The following RORA variants were observed in gnomAD, a reference collection of about 807,000 sequenced individuals.
RORA encodes the protein nuclear receptor ROR-alpha.
RORA carries 7 observed loss-of-function variants against 69.5 expected under a neutral mutation model. The observed-to-expected ratio is 0.10, with a 90% CI of 0.06 to 0.19. RORA has a LOEUF of 0.19. Ranked by LOEUF, RORA falls within the 10% of genes least tolerant of loss-of-function variation. RORA has a pLI of 1.00. For synonymous variants in RORA, 261 were observed against 240.8 expected (o/e 1.08, Z -0.78); for missense variants, 457 against 663.0 (o/e 0.69, Z 3.41).
At chr15:60,735,750 C>T (rs987334742) in intron 1 of RORA, among the ~76,000 whole-genome samples, 1 of 152,068 alleles carries the variant, frequency 6.6e-6, no homozygotes, top group Non-Finnish European at 1.5e-5. Context: ...GGCAGTTTGG[C>T]AGGAAACACA....
intron 1 of RORA, among the ~76,000 whole-genome samples, chr15:61,062,252 G>GCC (rs1357044631): frequency 6.6e-6 from 1 of 152,224 alleles, no homozygotes; most frequent in Non-Finnish European, 1.5e-5. Context: ...GAACTGGGGA[G>GCC]ACGGCTCTGG....
chr15:61,099,647 T>C (rs533059811), intron 1 of RORA, among the ~76,000 whole-genome samples: 1 of 152,244 alleles, frequency 6.6e-6, no homozygotes, highest in Non-Finnish European at 1.5e-5. Context: ...CAAGCTCTTT[T>C]CATCACAATT....
chr15:60,495,993 G>A lies in RORA; in HGVS notation c.*1462C>T, dbSNP rs548531738. On this transcript the variant is annotated 3_prime_UTR_variant, in exon 11 of 11. Transcript: ENST00000335670. ...TTTCCTAGTGAAGATAAATACAAGAGTAAATGTTTGCAGCTAGCATCAACT... is the reference window on the plus strand; with the variant it reads ...TTTCCTAGTGAAGATAAATACAAGAATAAATGTTTGCAGCTAGCATCAACT... 1 of 152,058 alleles carries A rather than the reference G, an allele frequency of 6.6e-6. No individual in the cohort carries two copies. The highest frequency in any genetic ancestry group is 1.5e-5 in the Non-Finnish European group (1 of 68,018). 9.4% of individuals were successfully genotyped at this position (152,058 alleles called of 1,614,324 possible).
In RORA at chr15:60,918,899, C is replaced by T. The variant is rs79359167; in HGVS notation, c.167-240213G>A. Reference sequence around the variant, plus strand: ...ACTTGTTAGGCAGAGAGTAAGGAAGCTCAGAAAGCCCGTGCTTGAGCTAAG... The same window carrying T: ...ACTTGTTAGGCAGAGAGTAAGGAAGTTCAGAAAGCCCGTGCTTGAGCTAAG... On this transcript the variant is annotated intron_variant, in intron 1 of 10. Transcript: ENST00000335670. Among the ~76,000 whole-genome samples the T allele has an allele frequency of 7.9e-5, 12 of 152,210 alleles. No individual in the cohort carries two copies. In the East Asian group the frequency reaches 2.3e-3, roughly 29 times the overall value.
At chr15:61,065,975 T>C (rs1158259416) in intron 1 of RORA, among the ~76,000 whole-genome samples, 1 of 152,228 alleles carries the variant, frequency 6.6e-6, no homozygotes, top group Non-Finnish European at 1.5e-5. Flanking sequence ...AATATCTCAG[T>C]GGAAAGCCAA....
chr15:60,901,828 G>C (rs1298606217), intron 1 of RORA, among the ~76,000 whole-genome samples: 1 of 152,100 alleles, frequency 6.6e-6, no homozygotes, highest in African/African-American at 2.4e-5. Context: ...GCTTCTCAAA[G>C]GTATGACATC....
rs145578117 is a variant in RORA, at chr15:60,970,485, G to A, written c.166+258568C>T. Among the ~76,000 whole-genome samples the A allele has an allele frequency of 3.5e-3, 538 of 152,264 alleles. 7 individuals are homozygous for A. Among genetic ancestry groups the A allele is most frequent in the African/African-American group, 0.012 (506 of 41,542 alleles). On this transcript the variant is annotated intron_variant, in intron 1 of 10. Coordinates refer to ENST00000335670, the MANE Select transcript of RORA (RefSeq NM_134261.3). The stretch of plus-strand genomic sequence containing the variant: ...GGGATATAGAATGCAACAAGACCTC[G>A]TTTCAAGTCCAAAGCCTAGAGTGAA...
At chr15:60,714,584 C>T (rs8028250) in intron 1 of RORA, among the ~76,000 whole-genome samples, 29 of 151,932 alleles carry the variant, frequency 1.9e-4, no homozygotes, top group African/African-American at 6.3e-4. Context: ...AGGCTGGTCT[C>T]GAACTCCTGA....
intron 1 of RORA, among the ~76,000 whole-genome samples, chr15:61,109,482 T>C (rs1454215293): frequency 6.6e-6 from 1 of 152,216 alleles, no homozygotes; most frequent in Non-Finnish European, 1.5e-5. Context: ...TCACTGCCTC[T>C]GTTATCACAT....
intron 2 of RORA, among the ~76,000 whole-genome samples, chr15:60,544,629 T>G (rs1040884029): frequency 6.6e-6 from 1 of 152,186 alleles, no homozygotes. Context: ...AAGTTTTTTT[T>G]CCCTTCAAAG....
chr15:60,665,348 T>C (rs549620006), intron 2 of RORA, among the ~76,000 whole-genome samples: 27 of 152,340 alleles, frequency 1.8e-4, no homozygotes, highest in Non-Finnish European at 7.3e-5. Context: ...TAACTGAAAA[T>C]GGTCCCTTTA....
At chr15:60,549,858 T>C (rs1209146945) in intron 2 of RORA, among the ~76,000 whole-genome samples, 1 of 152,218 alleles carries the variant, frequency 6.6e-6, no homozygotes, top group African/African-American at 2.4e-5. Flanking sequence ...CTACTTTTTA[T>C]AAAGGGTCTG....
At chr15:60,553,885 A>G (rs188702618) in intron 2 of RORA, among the ~76,000 whole-genome samples, 34 of 152,254 alleles carry the variant, frequency 2.2e-4, no homozygotes, top group Non-Finnish European at 4.7e-4. Flanking sequence ...TCACTTCTCC[A>G]TAAGTTTATT....
At chr15:61,138,312 C>G (rs1298796103) in intron 1 of RORA, among the ~76,000 whole-genome samples, 2 of 152,018 alleles carry the variant, frequency 1.3e-5, no homozygotes, top group East Asian at 3.9e-4. Context: ...AAAAGAAGTA[C>G]TTAAAAAAAG....
chr15:60,908,381 C>G (rs904455795), intron 1 of RORA, among the ~76,000 whole-genome samples: 1 of 152,152 alleles, frequency 6.6e-6, no homozygotes, highest in Non-Finnish European at 1.5e-5. Flanking sequence ...TCCAAGGCTC[C>G]TTTCTCTCAG....
At chr15:61,069,133 T>C (rs1300586268) in intron 1 of RORA, among the ~76,000 whole-genome samples, 3 of 152,218 alleles carry the variant, frequency 2.0e-5, no homozygotes, top group African/African-American at 4.8e-5. Context: ...TATTCAATGG[T>C]ACACCTCTGA....
chr15:60,676,900 G>A (rs181489377), intron 2 of RORA, among the ~76,000 whole-genome samples: 271 of 152,320 alleles, frequency 1.8e-3, no homozygotes, highest in African/African-American at 6.0e-3. Flanking sequence ...CTGTATACTA[G>A]GTAACATCTA....
rs1891451817 is a variant in RORA at position 60,903,632 on chromosome 15, G to A, written c.167-224946C>T. On this transcript the variant is annotated intron_variant, in intron 1 of 10. Coordinates refer to ENST00000335670, the MANE Select transcript of RORA (RefSeq NM_134261.3). ...TTCTCCAAGTAGTATGCAATGCAAA[G>A]TGGCAATTTTACACCGTGCTAGCCC... Among the ~76,000 whole-genome samples, 3 of 152,186 alleles carry A rather than the reference G, an allele frequency of 2.0e-5. No homozygotes were observed. The South Asian group carries it at 6.2e-4, about 32-fold the overall frequency.
In RORA at chr15:60,955,894, C is replaced by T. The variant is rs530866460; in HGVS notation, c.166+273159G>A. Reference sequence around the variant, plus strand: ...GGACACTTTATAGACGTATATTCTGCAAAGAGGTCAGATGACATCTGAAAT... The same window carrying T: ...GGACACTTTATAGACGTATATTCTGTAAAGAGGTCAGATGACATCTGAAAT... On this transcript the variant is annotated intron_variant, in intron 1 of 10. Transcript: ENST00000335670. Among the ~76,000 whole-genome samples, 22 of 152,220 alleles carry T rather than the reference C, an allele frequency of 1.4e-4. 1 individual carries two copies. In the South Asian group the frequency reaches 4.6e-3, roughly 32 times the overall value.
Sources: allele counts gnomAD v4.1 joint callset (sites outside exome capture counted in the v4.1 genomes callset), GRCh38; gene constraint gnomAD v4.1.1; transcripts MANE v1.5; gene names NCBI Gene and HGNC (gene_info 2026-07-23, HGNC 2026-07-21).